Variants in ERI1 observed in about 807,000 individuals in gnomAD.
ERI1 encodes exoribonuclease 1.
In ERI1, 39 loss-of-function variants were observed where a neutral mutation model predicts 39.7. That is an observed-to-expected ratio of 0.98 (90% CI 0.76 to 1.28). The LOEUF is 1.28. Among genes scored for constraint, ERI1 ranks in the 50% most tolerant of loss-of-function variants. ERI1 has a pLI of 0.00. For synonymous variants in ERI1, 204 were observed against 149.6 expected, an observed-to-expected ratio of 1.36 and a Z score of -2.65; for missense variants, 581 against 416.9, an observed-to-expected ratio of 1.39 and a Z score of -3.43.
rs73662285 is a variant in ERI1 at position 9,044,759 on chromosome 8, A to G, written n.299+24295A>G. Among the ~76,000 whole-genome samples the G allele has an allele frequency of 8.9e-3, 1,352 of 152,206 alleles. 18 individuals are homozygous for G. The highest frequency in any genetic ancestry group is 0.03 in the African/African-American group (1,261 of 41,506). On this transcript the variant is annotated intron_variant and non_coding_transcript_variant, in intron 3 of 3. Coordinates refer to the ERI1 transcript ENST00000518663. ...ACATGAAACACCACTGGAGTCTCCAAGACGGTATTTTCCCAGTGGAGTTCT... is the reference window on the plus strand; with the variant it reads ...ACATGAAACACCACTGGAGTCTCCAGGACGGTATTTTCCCAGTGGAGTTCT...
chr8:9,004,100 A>G (rs1454612027), intron 1 of ERI1: 2 of 1,288,950 alleles, frequency 1.6e-6, no homozygotes, highest in Non-Finnish European at 1.0e-6. Flanking sequence ...GTGTTCTTTG[A>G]CATTGGAAAG....
At chr8:9,029,063 A>C (rs1797400902) in intron 6 of ERI1, among the ~76,000 whole-genome samples, 1 of 148,862 alleles carries the variant, frequency 6.7e-6, no homozygotes, top group Non-Finnish European at 1.5e-5. Context: ...TTTCATTCTT[A>C]ATCTTCATTA....
rs2953807 is a variant in ERI1, at chr8:9,030,178, G to A, written c.*144G>A. 0.019 allele frequency: 20,873 copies of A among 1,095,348 alleles called. 250 individuals are homozygous for A. The highest frequency in any genetic ancestry group is 0.023 in the Non-Finnish European group (18,237 of 785,276). The allele number at this position is 1,095,348 out of a possible 1,614,324, so 67.9% of individuals were successfully genotyped here. A position where few individuals can be genotyped will look rare whatever the true frequency, so the allele number is the denominator to read the frequency against. On this transcript the variant is annotated 3_prime_UTR_variant, in exon 7 of 7. Transcript: ENST00000250263. ...TTACAGGTGATAGAGATAGATACAT[G>A]TATGTGAACAGATTTTGTAGGAAGG... is the stretch of plus-strand genomic sequence containing the variant.
chr8:9,032,783 C>G lies in ERI1; in HGVS notation c.*2749C>G, dbSNP rs1797680415. 6.6e-6 allele frequency: 1 copy of G among 152,176 alleles called. No homozygotes were observed. Among genetic ancestry groups the G allele is most frequent in the African/African-American group, 2.4e-5 (1 of 41,446 alleles). 9.4% of individuals were successfully genotyped at this position (152,176 alleles called of 1,614,324 possible). A position where few individuals can be genotyped will look rare whatever the true frequency, so the allele number is the denominator to read the frequency against. ...TGATTACTGGGGAGGGGAAGAAGCACAGGTGGTCAAGATAATAATGCATGT... is the reference window on the plus strand; with the variant it reads ...TGATTACTGGGGAGGGGAAGAAGCAGAGGTGGTCAAGATAATAATGCATGT... On this transcript the variant is annotated 3_prime_UTR_variant, in exon 7 of 7. Coordinates refer to ENST00000250263, the MANE Select transcript of ERI1 (RefSeq NM_153332.4).
chr8:9,026,736 G>A (rs911462349), intron 6 of ERI1, among the ~76,000 whole-genome samples: 2 of 151,948 alleles, frequency 1.3e-5, no homozygotes, highest in South Asian at 2.1e-4. Flanking sequence ...TTGGATTTTC[G>A]GATGAGTGAT....
intron 3 of ERI1, among the ~76,000 whole-genome samples, chr8:9,050,446 G>A (rs987623478): frequency 6.6e-6 from 1 of 151,002 alleles, no homozygotes; most frequent in Non-Finnish European, 1.5e-5. Context: ...AGTCGATGTT[G>A]CAGTGAGCTG....
chr8:9,082,483 C>T (rs1799400594), intron 3 of ERI1, among the ~76,000 whole-genome samples: 1 of 152,162 alleles, frequency 6.6e-6, no homozygotes, highest in African/African-American at 2.4e-5. Context: ...GTATCTCCTG[C>T]TTTCTGGCAT....
chr8:9,085,804 T>C (rs1344094653), intron 3 of ERI1, among the ~76,000 whole-genome samples: 1 of 152,108 alleles, frequency 6.6e-6, no homozygotes, highest in Non-Finnish European at 1.5e-5. Flanking sequence ...TTGGGATTGG[T>C]GTCCATAAAA....
At chr8:9,051,382 C>T (rs913914799) in intron 3 of ERI1, among the ~76,000 whole-genome samples, 8 of 151,852 alleles carry the variant, frequency 5.3e-5, no homozygotes, top group East Asian at 1.9e-4. Flanking sequence ...AAGGGCTGGG[C>T]GTGGTGGCTC....
At chr8:9,037,741 T>C (rs1797897596), downstream of ERI1, among the ~76,000 whole-genome samples, 1 of 152,168 alleles carries the variant, frequency 6.6e-6, no homozygotes, top group African/African-American at 2.4e-5. Flanking sequence ...CCTTTCCTTT[T>C]ACTGTGCACC....
downstream of ERI1, among the ~76,000 whole-genome samples, chr8:9,034,123 C>G (rs1218900411): frequency 6.6e-6 from 1 of 152,220 alleles, no homozygotes; most frequent in Non-Finnish European, 1.5e-5. Context: ...TTAAGTTTGA[C>G]TGATGAAGAG....
At chr8:9,018,043 C>T (rs890639205) in intron 4 of ERI1, among the ~76,000 whole-genome samples, 1 of 152,156 alleles carries the variant, frequency 6.6e-6, no homozygotes, top group Non-Finnish European at 1.5e-5. Context: ...AAGAGAACCA[C>T]TGGGGATGAT....
At chr8:9,080,582 T>G (rs771457022) in intron 3 of ERI1, among the ~76,000 whole-genome samples, 5 of 152,240 alleles carry the variant, frequency 3.3e-5, no homozygotes, top group Non-Finnish European at 7.3e-5. Flanking sequence ...CTGATTTTCC[T>G]GCAGGTTTTC....
intron 3 of ERI1, among the ~76,000 whole-genome samples, chr8:9,061,819 T>C (rs11780214): frequency 0.85 from 124,898 of 146,840 alleles, 53,891 homozygotes; most frequent in South Asian, 0.92. Context: ...TGCAGCAGTA[T>C]AGCCCAGGTA....
intron 4 of ERI1, 64 bp downstream of exon 4, chr8:9,016,469 A>G (rs1008655871): frequency 9.8e-7 from 1 of 1,017,064 alleles, no homozygotes; most frequent in African/African-American, 1.7e-5. Flanking sequence ...GATTTATTTT[A>G]TACATAATTT....
chr8:9,074,634 T>C (rs1799151951), intron 3 of ERI1, among the ~76,000 whole-genome samples: 1 of 151,906 alleles, frequency 6.6e-6, no homozygotes, highest in South Asian at 2.1e-4. Context: ...AGGTCTCACT[T>C]TGTTGCCCAG....
intron 3 of ERI1, among the ~76,000 whole-genome samples, chr8:9,081,186 C>T (rs935198442): frequency 2.0e-5 from 3 of 152,176 alleles, no homozygotes; most frequent in Non-Finnish European, 2.9e-5. Context: ...TGAAGGAAAC[C>T]ACCCATGTGA....
At chr8:9,081,690 G>GTTTTT (rs10701231) in intron 3 of ERI1, among the ~76,000 whole-genome samples, 110 of 146,760 alleles carry the variant, frequency 7.5e-4, no homozygotes, top group Middle Eastern at 3.5e-3. Flanking sequence ...TTTTGTTTTT[G>GTTTTT]TTTTTTTTTG....
chr8:9,081,110 G>A (rs1799352153), intron 3 of ERI1, among the ~76,000 whole-genome samples: 1 of 152,138 alleles, frequency 6.6e-6, no homozygotes, highest in African/African-American at 2.4e-5. Context: ...GAGAAAGCAG[G>A]GACAACTGTC....
Sources: allele counts gnomAD v4.1 joint callset (sites outside exome capture counted in the v4.1 genomes callset), GRCh38; gene constraint gnomAD v4.1.1; transcripts MANE v1.5; gene names NCBI Gene and HGNC (gene_info 2026-07-23, HGNC 2026-07-21).